The following AKIP1 variants were observed in gnomAD, a reference collection of about 807,000 sequenced individuals.
AKIP1 encodes the protein A-kinase-interacting protein 1.
AKIP1 carries 18 observed loss-of-function variants against 22.3 expected under a neutral mutation model. The observed-to-expected ratio is 0.81, with a 90% CI of 0.56 to 1.19. AKIP1 has a LOEUF of 1.19. Ranked by LOEUF, AKIP1 falls within the 50% of genes most tolerant of loss-of-function variation. AKIP1 has a pLI of 0.00. For synonymous variants in AKIP1, 120 were observed against 102.7 expected (o/e 1.17, Z -1.02); for missense variants, 287 against 264.6 (o/e 1.08, Z -0.59).
chr11:8,911,635 G>A lies in AKIP1; in HGVS notation c.186G>A (p.Gln62=). Reference sequence around the variant, plus strand: ...GGGAGGCGCCCCACCTAGAGAAACAGCCGGCAGCCGGCCCGCAGCGCGTTC... The same window carrying A: ...GGGAGGCGCCCCACCTAGAGAAACAACCGGCAGCCGGCCCGCAGCGCGTTC... ...LAREAPHLEK[Q]PAAGPQRVLP... is the part of the protein sequence containing the mutation. The change falls in exon 2 of 6, where the codon CAG becomes CAA. Residue 62 remains glutamine (Q), a synonymous_variant. Coordinates refer to ENST00000309377, the MANE Select transcript of AKIP1 (RefSeq NM_020642.4). The A allele has an allele frequency of 6.3e-7, 1 of 1,582,388 alleles. No homozygotes were observed. Among genetic ancestry groups the A allele is most frequent in the Non-Finnish European group, 8.6e-7 (1 of 1,166,194 alleles).
chr11:8,919,790 C>A lies in AKIP1; in HGVS notation c.*310C>A, dbSNP rs569050263. The A allele has an allele frequency of 1.3e-4, 29 of 219,676 alleles. No individual in the cohort carries two copies. Among genetic ancestry groups the A allele is most frequent in the Non-Finnish European group, 2.6e-4 (29 of 110,630 alleles). The allele number at this position is 219,676 out of a possible 1,614,324, so 13.6% of individuals were successfully genotyped here. ...TAGCTGGCACTACAGGCACCCGCCACCATGCCCGGCTATTTTTTTTGTATT... is the reference window on the plus strand; with the variant it reads ...TAGCTGGCACTACAGGCACCCGCCAACATGCCCGGCTATTTTTTTTGTATT... On this transcript the variant is annotated 3_prime_UTR_variant, in exon 6 of 6. Coordinates refer to ENST00000309377, the MANE Select transcript of AKIP1 (RefSeq NM_020642.4).
At position 8,917,335 on chromosome 11, in the gene AKIP1, A is replaced by G; in HGVS notation, c.457A>G (p.Ile153Val). 1.9e-6 allele frequency: 3 copies of G among 1,613,666 alleles called. No homozygotes were observed. In the South Asian group the frequency reaches 3.3e-5, roughly 18 times the overall value. Residue 153 changes from isoleucine to valine, a missense_variant, in exon 5 of 6, where the codon ATA becomes GTA. Coordinates refer to ENST00000309377, the MANE Select transcript of AKIP1 (RefSeq NM_020642.4). ...CCTTGGTCCTGGAGGCAGCTATCAA[A>G]TATCAGAGCATGCTCCAGAGGCATC... Reference protein sequence around the residue: ...TSLGPGGSYQISEHAPEASQP... With the variant: ...TSLGPGGSYQVSEHAPEASQP...
chr11:8,916,305 G>C (rs1275334345), intron 4 of AKIP1, among the ~76,000 whole-genome samples: 1 of 152,098 alleles, frequency 6.6e-6, no homozygotes, highest in Non-Finnish European at 1.5e-5. Flanking sequence ...GTGTGGGGAC[G>C]GGGGTCTCTT....
rs1201628428 is a variant in AKIP1, at chr11:8,912,610, G to A, written c.303+77G>A. On this transcript the variant is annotated intron_variant, in intron 3 of 5. Coordinates refer to ENST00000309377, the MANE Select transcript of AKIP1 (RefSeq NM_020642.4). ...TTTGGATCTTTCTGGAATTTACGGA[G>A]AATCTGGACACTACCTGTTTCTCCT... The A allele has an allele frequency of 6.9e-6, 9 of 1,308,856 alleles. No individual in the cohort carries two copies. The East Asian group carries it at 1.8e-4, about 27-fold the overall frequency. 81.1% of individuals were successfully genotyped at this position (1,308,856 alleles called of 1,614,324 possible).
At chr11:8,914,621 G>A (rs1049669370) in intron 3 of AKIP1, among the ~76,000 whole-genome samples, 3 of 152,182 alleles carry the variant, frequency 2.0e-5, no homozygotes, top group Non-Finnish European at 4.4e-5. Context: ...GGCAGCACGG[G>A]GATGCCAAAT....
At position 8,917,319 on chromosome 11, in the gene AKIP1, T is replaced by A. The variant is rs2064500476; in HGVS notation, c.441T>A (p.Pro147=). The A allele has an allele frequency of 6.2e-7, 1 of 1,613,114 alleles. No homozygotes were observed. The highest frequency in any genetic ancestry group is 1.3e-5 in the African/African-American group (1 of 74,918). Reference sequence around the variant, plus strand: ...ACAGAAAAAAGACATCCCTTGGTCCTGGAGGCAGCTATCAAATATCAGAGC... The same window carrying A: ...ACAGAAAAAAGACATCCCTTGGTCCAGGAGGCAGCTATCAAATATCAGAGC... ...RKDRKKTSLG[P]GGSYQISEHA... is the part of the protein sequence containing the mutation. The change falls in exon 5 of 6, where the codon CCT becomes CCA. Residue 147 remains proline (P), a synonymous_variant. Coordinates refer to ENST00000309377, the MANE Select transcript of AKIP1 (RefSeq NM_020642.4).
rs1025516028 is a variant in AKIP1, at chr11:8,911,780, A to T, written c.222+109A>T. 6 of 1,103,456 alleles carry T rather than the reference A, an allele frequency of 5.4e-6. No individual in the cohort carries two copies. The African/African-American group carries it at 9.5e-5, about 17-fold the overall frequency. 68.4% of individuals were successfully genotyped at this position (1,103,456 alleles called of 1,614,324 possible). A position where few individuals can be genotyped will look rare whatever the true frequency, so the allele number is the denominator to read the frequency against. On this transcript the variant is annotated intron_variant, in intron 2 of 5. Transcript: ENST00000309377. ...AGCTGAGGAAACCTTCCCTTAGCGGAAGCTGGAAAGGATCAGAACAATGAA... is the reference window on the plus strand; with the variant it reads ...AGCTGAGGAAACCTTCCCTTAGCGGTAGCTGGAAAGGATCAGAACAATGAA...
Position 8,911,448 on chromosome 11 carries a change from C to G in AKIP1, c.-2C>G. On this transcript the variant is annotated 5_prime_UTR_variant, in exon 2 of 6. Coordinates refer to ENST00000309377, the MANE Select transcript of AKIP1 (RefSeq NM_020642.4). ...GTACGTTGTGTGCCCACTCAGGGAGCCATGGACAACTGTTTGGCGGCCGCA... is the reference window on the plus strand; with the variant it reads ...GTACGTTGTGTGCCCACTCAGGGAGGCATGGACAACTGTTTGGCGGCCGCA... 3 of 1,588,654 alleles carry G rather than the reference C, an allele frequency of 1.9e-6. No homozygotes were observed. Among genetic ancestry groups the G allele is most frequent in the Non-Finnish European group, 2.6e-6 (3 of 1,167,612 alleles).
intron 4 of AKIP1, 116 bp downstream of exon 4, chr11:8,915,046 C>A: frequency 1.5e-6 from 1 of 682,410 alleles, no homozygotes; most frequent in Non-Finnish European, 2.5e-6. Context: ...CTTGGCATTA[C>A]AGTGCTTAAC....
At position 8,919,519 on chromosome 11, in the gene AKIP1, T is replaced by A. The variant is rs1194055814; in HGVS notation, c.*39T>A. 1 of 1,602,172 alleles carries A rather than the reference T, an allele frequency of 6.2e-7. No individual in the cohort carries two copies. Among genetic ancestry groups the A allele is most frequent in the Admixed American group, 1.7e-5 (1 of 58,254 alleles). Reference sequence around the variant, plus strand: ...TGCCATCACATCACCTTTTTTTAAGTAGTAAGAATAAAGCCACTGTATGAT... The same window carrying A: ...TGCCATCACATCACCTTTTTTTAAGAAGTAAGAATAAAGCCACTGTATGAT... On this transcript the variant is annotated 3_prime_UTR_variant, in exon 6 of 6. Coordinates refer to ENST00000309377, the MANE Select transcript of AKIP1 (RefSeq NM_020642.4).
Position 8,912,523 on chromosome 11 carries a change from G to A in AKIP1, c.293G>A (p.Ser98Asn). 1 of 1,614,016 alleles carries A rather than the reference G, an allele frequency of 6.2e-7. No individual in the cohort carries two copies. Among genetic ancestry groups the A allele is most frequent in the Non-Finnish European group, 8.5e-7 (1 of 1,179,882 alleles). ...GCTGAATTCATGGACTATACTTCAA[G>A]TCAGTGTGGGGTAAGTTGGTGTGAA... Reference protein sequence around the residue: ...TMAEFMDYTSSQCGKYYSSVP... With the variant: ...TMAEFMDYTSNQCGKYYSSVP... Residue 98 changes from serine to asparagine, a missense_variant, in exon 3 of 6, where the codon AGT (serine) becomes AAT (asparagine). Physicochemically the swap from Ser to Asn is conservative, Grantham distance 46. Transcript: ENST00000309377.
At chr11:8,914,498 G>C (rs1236876183) in intron 3 of AKIP1, among the ~76,000 whole-genome samples, 1 of 152,220 alleles carries the variant, frequency 6.6e-6, no homozygotes, top group Admixed American at 6.5e-5. Flanking sequence ...GAAATGAAAG[G>C]ATATGTGCAT....
intron 4 of AKIP1, 25 bp downstream of exon 4, chr11:8,914,955 C>T: frequency 6.4e-7 from 1 of 1,567,258 alleles, no homozygotes; most frequent in Non-Finnish European, 8.8e-7. Context: ...CTGTCCTGCA[C>T]CATGCCTTCA....
chr11:8,911,332 C>T, intron 1 of AKIP1, 109 bp downstream of exon 1: 1 of 945,876 alleles, frequency 1.1e-6, no homozygotes, highest in Non-Finnish European at 1.6e-6. Context: ...GGGGGCGGAC[C>T]AGGAGCGGTG....
In AKIP1 at chr11:8,919,386, A is replaced by T; in HGVS notation, c.539A>T (p.Tyr180Phe). 1 of 1,614,128 alleles carries T rather than the reference A, an allele frequency of 6.2e-7. No individual in the cohort carries two copies. The highest frequency in any genetic ancestry group is 8.5e-7 in the Non-Finnish European group (1 of 1,179,976). ...TACATAGAAGTATATCCAGGGACCT[A>T]TTCTGTCACTGTGGGCTCAAATGAC... The part of the protein sequence containing the change: ...DLYIEVYPGT[Y>F]SVTVGSNDLT... Residue 180 changes from tyrosine (Y) to phenylalanine (F), a missense_variant, in exon 6 of 6, where the codon TAT becomes TTT. Physicochemically the swap from Tyr to Phe is conservative, Grantham distance 22. Coordinates refer to ENST00000309377, the MANE Select transcript of AKIP1 (RefSeq NM_020642.4).
intron 4 of AKIP1, among the ~76,000 whole-genome samples, chr11:8,916,849 T>G (rs1195913749): frequency 6.6e-6 from 1 of 152,190 alleles, no homozygotes; most frequent in African/African-American, 2.4e-5. Flanking sequence ...AAGTTCCCTC[T>G]AAGGGAAATT....
chr11:8,916,050 G>A (rs1242377026), intron 4 of AKIP1, among the ~76,000 whole-genome samples: 5 of 152,036 alleles, frequency 3.3e-5, no homozygotes, highest in Admixed American at 2.0e-4. Flanking sequence ...TCGATCTCCC[G>A]ACCTCGTGAT....
At chr11:8,914,466 TCATC>T (rs1415219773) in intron 3 of AKIP1, among the ~76,000 whole-genome samples, 3 of 152,224 alleles carry the variant, frequency 2.0e-5, no homozygotes, top group Non-Finnish European at 4.4e-5. Context: ...ATGGAACCGT[TCATC>T]CACATTTTTT....
At chr11:8,912,568 C>G (rs769510615) in intron 3 of AKIP1, 35 bp downstream of exon 3, 6 of 1,538,544 alleles carry the variant, frequency 3.9e-6, no homozygotes, top group South Asian at 1.1e-5. Flanking sequence ...TGCCCCATCA[C>G]CTGCTGATGG....
Sources: gnomAD v4.1 joint callset for allele counts (sites outside exome capture counted in the v4.1 genomes callset) on GRCh38, gnomAD v4.1.1 for gene constraint, MANE v1.5 for transcripts, NCBI Gene and HGNC (gene_info 2026-07-23, HGNC 2026-07-21) for gene names.